Variants in ROBO2 observed in about 807,000 individuals in gnomAD.
The protein encoded by ROBO2 is roundabout homolog 2.
Under a neutral mutation model 160.8 loss-of-function variants are expected in ROBO2, and 53 were observed. The observed-to-expected ratio is 0.33, with a 90% confidence interval of 0.26 to 0.41. The LOEUF is 0.41. ROBO2 is among the 10% of genes least tolerant of loss of function. ROBO2 has a pLI of 1.00. For synonymous variants in ROBO2, 664 were observed against 611.7 expected (o/e 1.09, Z -1.26); for missense variants, 1,577 against 1,722.4 (o/e 0.92, Z 1.49).
intron 2 of ROBO2, among the ~76,000 whole-genome samples, chr3:77,433,035 T>C (rs970955824): frequency 1.3e-5 from 2 of 152,202 alleles, no homozygotes; most frequent in African/African-American, 2.4e-5. Flanking sequence ...AATGCCTTAT[T>C]GTCGGATGAC....
chr3:76,357,046 A>C (rs2075212512), intron 2 of ROBO2, among the ~76,000 whole-genome samples: 2 of 151,922 alleles, frequency 1.3e-5, no homozygotes, highest in African/African-American at 4.8e-5. Flanking sequence ...ACTGAGAACT[A>C]TTTAAAAAAA....
At chr3:77,319,349 G>A (rs1238157097) in intron 2 of ROBO2, among the ~76,000 whole-genome samples, 1 of 152,116 alleles carries the variant, frequency 6.6e-6, no homozygotes, top group Non-Finnish European at 1.5e-5. Flanking sequence ...TTATCACAGT[G>A]ACTTCAGTCA....
At chr3:76,012,933 G>C (rs78061475) in intron 2 of ROBO2, among the ~76,000 whole-genome samples, 1 of 146,464 alleles carries the variant, frequency 6.8e-6, no homozygotes, top group Non-Finnish European at 1.5e-5. Flanking sequence ...TGGCTTACGC[G>C]TGTAATCCCA....
At chr3:76,420,647 A>G (rs920276394) in intron 2 of ROBO2, among the ~76,000 whole-genome samples, 4 of 152,200 alleles carry the variant, frequency 2.6e-5, no homozygotes, top group African/African-American at 9.6e-5. Context: ...ATTTTATATA[A>G]ATATGAAAAC....
At chr3:77,466,452 A>C (rs1365130222) in intron 2 of ROBO2, among the ~76,000 whole-genome samples, 1 of 152,126 alleles carries the variant, frequency 6.6e-6, no homozygotes, top group Admixed American at 6.5e-5. Context: ...CAAACTGCTC[A>C]TTTTTGAGTT....
intron 2 of ROBO2, among the ~76,000 whole-genome samples, chr3:76,464,545 C>T (rs551223353): frequency 6.6e-6 from 1 of 152,000 alleles, no homozygotes; most frequent in South Asian, 2.1e-4. Flanking sequence ...TTTCTTTCCA[C>T]CTCAGTAGGG....
chr3:77,133,117 C>A (rs539530253), intron 2 of ROBO2, among the ~76,000 whole-genome samples: 31 of 152,180 alleles, frequency 2.0e-4, no homozygotes, highest in African/African-American at 7.5e-4. Flanking sequence ...CAAAATGCAT[C>A]ATAGGACATT....
At chr3:76,010,682 A>G (rs974633389) in intron 2 of ROBO2, among the ~76,000 whole-genome samples, 3 of 152,234 alleles carry the variant, frequency 2.0e-5, no homozygotes, top group Non-Finnish European at 4.4e-5. Flanking sequence ...TAAGAAATGT[A>G]GTTTAAAATT....
intron 2 of ROBO2, among the ~76,000 whole-genome samples, chr3:77,175,063 C>G (rs1187184326): frequency 6.6e-6 from 1 of 152,034 alleles, no homozygotes; most frequent in Non-Finnish European, 1.5e-5. Context: ...ATTTATAACT[C>G]ATATTTTTCA....
chr3:76,361,443 G>A (rs2075515494), intron 2 of ROBO2, among the ~76,000 whole-genome samples: 1 of 152,052 alleles, frequency 6.6e-6, no homozygotes, highest in African/African-American at 2.4e-5. Context: ...TTACCCTATA[G>A]ATGTTGAAAT....
In ROBO2 at chr3:76,396,645, G is replaced by C. The variant is rs575507987; in HGVS notation, c.109+459043G>C. Among the ~76,000 whole-genome samples the C allele has an allele frequency of 3.3e-5, 5 of 152,188 alleles. No homozygotes were observed. The East Asian group carries it at 7.7e-4, about 24-fold the overall frequency. Reference sequence around the variant, plus strand: ...CAAAGTCTCAGGATAAAAAATCAATGTACAAAAATCACAAGCATTCTTATG... The same window carrying C: ...CAAAGTCTCAGGATAAAAAATCAATCTACAAAAATCACAAGCATTCTTATG... On this transcript the variant is annotated intron_variant, in intron 2 of 26. Coordinates refer to the ROBO2 transcript ENST00000487694.
At chr3:77,090,323 C>CTTTTT (rs542280937) in intron 1 of ROBO2, among the ~76,000 whole-genome samples, 11 of 70,752 alleles carry the variant, frequency 1.6e-4, no homozygotes, top group Admixed American at 3.6e-4. Flanking sequence ...CTAAACCACT[C>CTTTTT]TTTTTTTTTT....
intron 2 of ROBO2, among the ~76,000 whole-genome samples, chr3:76,772,181 T>C (rs2061945715): frequency 1.3e-5 from 2 of 151,300 alleles, no homozygotes; most frequent in African/African-American, 4.8e-5. Context: ...TTTTAGATTA[T>C]ATTTTTAGTT....
At chr3:77,474,094 C>A (rs1391792333) in intron 2 of ROBO2, among the ~76,000 whole-genome samples, 1 of 152,158 alleles carries the variant, frequency 6.6e-6, no homozygotes, top group African/African-American at 2.4e-5. Flanking sequence ...GAAAGGAAGA[C>A]TGAAGTTGGA....
intron 7 of ROBO2, among the ~76,000 whole-genome samples, chr3:77,548,843 C>T (rs2092803811): frequency 1.3e-5 from 2 of 151,706 alleles, no homozygotes; most frequent in South Asian, 2.1e-4. Flanking sequence ...AGAGAAAATA[C>T]TGTGAATGAG....
chr3:76,921,796 A>AT (rs776037875), intron 2 of ROBO2, among the ~76,000 whole-genome samples: 9 of 152,288 alleles, frequency 5.9e-5, no homozygotes, highest in Non-Finnish European at 1.2e-4. Context: ...TTTCTGCCAT[A>AT]GTTCTAAAAT....
chr3:76,155,091 A>G (rs1291104977), intron 2 of ROBO2, among the ~76,000 whole-genome samples: 1 of 152,150 alleles, frequency 6.6e-6, no homozygotes, highest in East Asian at 1.9e-4. Flanking sequence ...ACCCAATAGT[A>G]CCGAAGAAGT....
chr3:76,359,538 T>A (rs1344483564), intron 2 of ROBO2, among the ~76,000 whole-genome samples: 2 of 152,060 alleles, frequency 1.3e-5, no homozygotes, highest in African/African-American at 2.4e-5. Flanking sequence ...GGACATGTGA[T>A]CCTTTACCTC....
At chr3:77,358,938 G>T (rs2069525848) in intron 2 of ROBO2, among the ~76,000 whole-genome samples, 1 of 152,168 alleles carries the variant, frequency 6.6e-6, no homozygotes, top group South Asian at 2.1e-4. Flanking sequence ...AAAATCTGTT[G>T]CTGAGTATGC....
Sources: allele counts gnomAD v4.1 joint callset (sites outside exome capture counted in the v4.1 genomes callset), GRCh38; gene constraint gnomAD v4.1.1; transcripts MANE v1.5; gene names NCBI Gene and HGNC (gene_info 2026-07-23, HGNC 2026-07-21).